Variants in CCDC102B observed in about 807,000 individuals in gnomAD.
The protein encoded by CCDC102B is coiled-coil domain-containing protein 102B.
CCDC102B carries 75 observed loss-of-function variants against 57.4 expected under a neutral mutation model. The ratio of observed to expected loss-of-function variants is 1.31; its 90% CI spans 1.08 to 1.58. CCDC102B has a LOEUF of 1.58. CCDC102B is among the 40% of genes most tolerant of loss of function. CCDC102B has a pLI of 0.00. For missense variants in CCDC102B, 636 were observed against 582.6 expected (o/e 1.09, Z -0.94); for synonymous variants, 206 against 201.9 (o/e 1.02, Z -0.17).
intron 7 of CCDC102B, among the ~76,000 whole-genome samples, chr18:69,025,022 G>A (rs918954112): frequency 1.3e-5 from 2 of 151,822 alleles, no homozygotes; most frequent in African/African-American, 2.4e-5. Flanking sequence ...AATTTCTCAA[G>A]GGAATAAAAT....
chr18:68,791,616 G>GT (rs2035462199), intron 2 of CCDC102B, among the ~76,000 whole-genome samples: 1 of 86,948 alleles, frequency 1.2e-5, no homozygotes, highest in African/African-American at 3.5e-5. Context: ...TGTAAATAGA[G>GT]TGTGTGTATG....
intron 1 of CCDC102B, among the ~76,000 whole-genome samples, chr18:68,822,752 TTAGC>T (rs1297921085): frequency 6.6e-6 from 1 of 152,232 alleles, no homozygotes; most frequent in African/African-American, 2.4e-5. Flanking sequence ...CTTGCATTCA[TTAGC>T]TTAGGATTAT....
intron 2 of CCDC102B, among the ~76,000 whole-genome samples, chr18:68,725,613 G>A (rs1046640564): frequency 6.6e-6 from 1 of 152,222 alleles, no homozygotes; most frequent in African/African-American, 2.4e-5. Flanking sequence ...AGTGGGGCAA[G>A]TCTTTCTCCT....
intron 6 of CCDC102B, among the ~76,000 whole-genome samples, chr18:68,905,039 AT>A (rs1315372365): frequency 2.2e-4 from 33 of 151,814 alleles, no homozygotes; most frequent in African/African-American, 6.3e-4. Flanking sequence ...ATGTTTCCTG[AT>A]TTGTTTTCAA....
intron 6 of CCDC102B, among the ~76,000 whole-genome samples, chr18:68,939,843 CTAT>C (rs1371768642): frequency 6.6e-6 from 1 of 151,744 alleles, no homozygotes; most frequent in Non-Finnish European, 1.5e-5. Context: ...TTAAGTGGCA[CTAT>C]TAGATAATTC....
At chr18:68,854,351 C>T (rs747493999) in intron 4 of CCDC102B, among the ~76,000 whole-genome samples, 1 of 152,132 alleles carries the variant, frequency 6.6e-6, no homozygotes, top group African/African-American at 2.4e-5. Context: ...CCGCCTGCCT[C>T]GGCCTCCCAA....
chr18:68,847,436 A>G (rs937170684), intron 4 of CCDC102B, among the ~76,000 whole-genome samples: 1 of 151,842 alleles, frequency 6.6e-6, no homozygotes, highest in African/African-American at 2.4e-5. Flanking sequence ...AAAAGAATGC[A>G]TTTACTACCT....
At position 68,892,435 on chromosome 18, in the gene CCDC102B, C is replaced by T. The variant is rs140665921; in HGVS notation, c.1054-4784C>T. Among the ~76,000 whole-genome samples the T allele has an allele frequency of 1.2e-4, 18 of 152,288 alleles. No individual in the cohort carries two copies. The South Asian group carries it at 1.9e-3, about 16-fold the overall frequency. ...TCTGCACCATCCCCATCTGACTCTG[C>T]TCCCACATGGTCTCCAGAGAAGTCT... On this transcript the variant is annotated intron_variant, in intron 5 of 7. Transcript: ENST00000360242.
chr18:68,925,381 G>T (rs1254040720), intron 6 of CCDC102B, among the ~76,000 whole-genome samples: 1 of 151,818 alleles, frequency 6.6e-6, no homozygotes, highest in Non-Finnish European at 1.5e-5. Context: ...TATACAGACG[G>T]GGCTAGAACC....
intron 7 of CCDC102B, among the ~76,000 whole-genome samples, chr18:69,017,288 TTG>T (rs1392340899): frequency 6.6e-6 from 1 of 151,772 alleles, no homozygotes; most frequent in Non-Finnish European, 1.5e-5. Flanking sequence ...GCTATTTTTT[TTG>T]TGTGTGTGTT....
intron 2 of CCDC102B, among the ~76,000 whole-genome samples, chr18:68,730,600 ATC>A (rs1359771362): frequency 2.6e-5 from 4 of 152,176 alleles, no homozygotes; most frequent in African/African-American, 9.7e-5. Context: ...AACACTTATG[ATC>A]TGTTATCATC....
intron 2 of CCDC102B, among the ~76,000 whole-genome samples, chr18:68,723,722 A>G (rs992359495): frequency 6.6e-6 from 1 of 152,172 alleles, no homozygotes; most frequent in Non-Finnish European, 1.5e-5. Flanking sequence ...TGCAGGGTAC[A>G]TACAGCCCCA....
At chr18:68,715,266 A>G in exon 1 of CCDC102B, 1 of 1,306,688 alleles carries the variant, frequency 7.7e-7, no homozygotes, top group Non-Finnish European at 9.8e-7. Context: ...GAGCGTGGGA[A>G]CCCTGCTTAA....
chr18:68,767,337 T>C (rs1234701203), intron 2 of CCDC102B, among the ~76,000 whole-genome samples: 1 of 152,192 alleles, frequency 6.6e-6, no homozygotes, highest in Non-Finnish European at 1.5e-5. Context: ...TAGTGCCATT[T>C]TAAGAGGAAA....
upstream of CCDC102B, chr18:68,798,008 C>G (rs1364852230): frequency 6.6e-6 from 1 of 152,058 alleles, no homozygotes; most frequent in Non-Finnish European, 1.5e-5. Flanking sequence ...TTCAATAAAA[C>G]TTCACAACCA....
intron 6 of CCDC102B, among the ~76,000 whole-genome samples, chr18:68,965,289 C>A (rs1024059927): frequency 4.7e-5 from 7 of 150,028 alleles, no homozygotes; most frequent in Non-Finnish European, 4.4e-5. Context: ...AATTTCTGTT[C>A]TTTTATCTTC....
At chr18:69,020,994 C>T (rs896622524) in intron 7 of CCDC102B, among the ~76,000 whole-genome samples, 3 of 152,184 alleles carry the variant, frequency 2.0e-5, no homozygotes, top group African/African-American at 7.2e-5. Context: ...TTGCTAAACA[C>T]ATTATTGGTA....
At chr18:68,810,680 G>GTTTTTGTTTTTTTTT (rs1555705155) in intron 1 of CCDC102B, among the ~76,000 whole-genome samples, 1 of 77,042 alleles carries the variant, frequency 1.3e-5, no homozygotes, top group African/African-American at 5.1e-5. Context: ...TCTTTTCTTT[G>GTTTTTGTTTTTTTTT]TTTTTTTTTT....
intron 6 of CCDC102B, among the ~76,000 whole-genome samples, chr18:68,903,543 T>C (rs1041123752): frequency 2.0e-5 from 3 of 152,212 alleles, no homozygotes; most frequent in Non-Finnish European, 4.4e-5. Flanking sequence ...ATCTATAGTA[T>C]CTATAGTGTA....
Sources: gnomAD v4.1 joint callset for allele counts (sites outside exome capture counted in the v4.1 genomes callset) on GRCh38, gnomAD v4.1.1 for gene constraint, MANE v1.5 for transcripts, NCBI Gene and HGNC (gene_info 2026-07-23, HGNC 2026-07-21) for gene names.